MTUS2: variants seen among roughly 807,000 people sequenced by gnomAD.
The protein encoded by MTUS2 is microtubule-associated tumor suppressor candidate 2.
A neutral mutation model predicts 114.1 loss-of-function variants in MTUS2; 40 were observed. That is an observed-to-expected ratio of 0.35 (90% CI 0.27 to 0.46). The LOEUF (loss-of-function observed/expected upper bound fraction) is 0.46. Ranked by LOEUF, MTUS2 falls within the 20% of genes least tolerant of loss-of-function variation. The pLI, the probability that MTUS2 is intolerant of heterozygous loss-of-function variation, is 1.00. For missense variants in MTUS2, 1,679 were observed against 1,705.4 expected (o/e 0.98, Z 0.27); for synonymous variants, 688 against 672.0 (o/e 1.02, Z -0.37).
At chr13:29,366,618 T>C (rs1185360843) in intron 8 of MTUS2, among the ~76,000 whole-genome samples, 1 of 152,220 alleles carries the variant, frequency 6.6e-6, no homozygotes, top group Non-Finnish European at 1.5e-5. Context: ...ATACCTGGTA[T>C]GGGACCATCA....
chr13:29,008,424 A>T (rs1398856655), intron 2 of MTUS2, among the ~76,000 whole-genome samples: 2 of 152,080 alleles, frequency 1.3e-5, no homozygotes, highest in Non-Finnish European at 2.9e-5. Context: ...TTTCTGTTCC[A>T]ATCTGAACTG....
chr13:28,994,736 T>G (rs542688229), intron 2 of MTUS2, among the ~76,000 whole-genome samples: 5 of 152,188 alleles, frequency 3.3e-5, no homozygotes, highest in Admixed American at 6.5e-5. Flanking sequence ...TTGCCCACTT[T>G]TTGATGGGGT....
intron 5 of MTUS2, among the ~76,000 whole-genome samples, chr13:29,262,108 A>C (rs1897495332): frequency 6.6e-6 from 1 of 152,264 alleles, no homozygotes; most frequent in Non-Finnish European, 1.5e-5. Context: ...GGGCTGGCTG[A>C]TGCTGGCTTT....
At chr13:28,918,724 T>G (rs754517338) in intron 2 of MTUS2, among the ~76,000 whole-genome samples, 5 of 152,068 alleles carry the variant, frequency 3.3e-5, no homozygotes, top group Admixed American at 1.3e-4. Flanking sequence ...TGCTGTTTGG[T>G]TTTTGTTTTT....
chr13:29,012,836 T>C lies in MTUS2; in HGVS notation c.-242-11621T>C, dbSNP rs1885911444. 2.0e-5 allele frequency among the ~76,000 whole-genome samples: 3 copies of C among 147,660 alleles called. No homozygotes were observed. The South Asian group carries it at 6.4e-4, about 31-fold the overall frequency. On this transcript the variant is annotated intron_variant, in intron 2 of 15. Transcript: ENST00000612955. ...TTGCAGTGAGCCGAGATCGCACCAC[T>C]GCATTCCAGCCTGGGTGACAGAGCG...
At chr13:29,209,560 T>G (rs910118465) in intron 5 of MTUS2, among the ~76,000 whole-genome samples, 2 of 152,148 alleles carry the variant, frequency 1.3e-5, no homozygotes, top group Non-Finnish European at 2.9e-5. Context: ...GGTTCTATTT[T>G]TATATATTTT....
intron 5 of MTUS2, among the ~76,000 whole-genome samples, chr13:29,146,976 A>C (rs1291519610): frequency 2.6e-5 from 4 of 152,228 alleles, no homozygotes; most frequent in Admixed American, 2.0e-4. Flanking sequence ...GAAAGAAACA[A>C]TGAGATATCA....
intron 5 of MTUS2, among the ~76,000 whole-genome samples, chr13:29,130,031 T>G (rs1891690740): frequency 6.6e-6 from 1 of 152,122 alleles, no homozygotes; most frequent in South Asian, 2.1e-4. Flanking sequence ...CAGAGTGCTT[T>G]ATAGCCAAGA....
At chr13:29,241,264 A>G (rs887581812) in intron 5 of MTUS2, among the ~76,000 whole-genome samples, 3 of 150,648 alleles carry the variant, frequency 2.0e-5, no homozygotes, top group Admixed American at 6.6e-5. Flanking sequence ...TGTCTTTAAA[A>G]TTGACAGAAC....
chr13:28,880,650 A>G (rs2138137006), intron 2 of MTUS2, among the ~76,000 whole-genome samples: 1 of 152,384 alleles, frequency 6.6e-6, no homozygotes, highest in East Asian at 1.9e-4. Flanking sequence ...ATCACTAGTC[A>G]CACTACTCAG....
chr13:29,333,172 G>A (rs1451533381), intron 7 of MTUS2, among the ~76,000 whole-genome samples: 1 of 152,054 alleles, frequency 6.6e-6, no homozygotes, highest in African/African-American at 2.4e-5. Context: ...TTCTGTAGTT[G>A]TGCAGTTTTG....
chr13:28,834,076 A>G (rs1874896693), intron 1 of MTUS2, among the ~76,000 whole-genome samples: 1 of 152,138 alleles, frequency 6.6e-6, no homozygotes, highest in Non-Finnish European at 1.5e-5. Context: ...AAGACTTAAT[A>G]TTATTAAGGT....
At chr13:29,487,837 G>T in intron 10 of MTUS2, 63 bp from the exon 11 acceptor site, 1 of 1,308,228 alleles carries the variant, frequency 7.6e-7, no homozygotes, top group Non-Finnish European at 1.1e-6. Flanking sequence ...TTCCACTCAC[G>T]GAATTCCACT....
At chr13:28,948,727 T>G (rs1882660271) in intron 2 of MTUS2, among the ~76,000 whole-genome samples, 1 of 152,212 alleles carries the variant, frequency 6.6e-6, no homozygotes, top group Non-Finnish European at 1.5e-5. Flanking sequence ...TTCGCATTGC[T>G]TGTTTCACAG....
At chr13:28,840,609 G>A (rs1365133116) in intron 2 of MTUS2, among the ~76,000 whole-genome samples, 1 of 152,130 alleles carries the variant, frequency 6.6e-6, no homozygotes. Context: ...ACTTTTAAAC[G>A]AGTAGAGAGA....
At position 29,359,340 on chromosome 13, in the gene MTUS2, G is replaced by A. The variant is rs370407833; in HGVS notation, c.2984G>A (p.Arg995Gln). Reference protein sequence around the residue: ...KPDPQAREAERQLVLRLKERC... With the variant: ...KPDPQAREAEQQLVLRLKERC... The stretch of plus-strand genomic sequence containing the variant: ...GACCCGCAGGCCCGTGAGGCTGAGC[G>A]GCAGCTGGTGCTGCGGCTGAAGGAG... Residue 995 changes from arginine (R) to glutamine (Q), a missense_variant, in exon 8 of 16, where the codon CGG becomes CAG. Physicochemically the swap from Arg to Gln is conservative, Grantham distance 43. Transcript: ENST00000612955. 16 of 1,611,284 alleles carry A rather than the reference G, an allele frequency of 9.9e-6. No homozygotes were observed. Among genetic ancestry groups the A allele is most frequent in the Admixed American group, 3.4e-5 (2 of 59,642 alleles).
intron 4 of MTUS2, among the ~76,000 whole-genome samples, chr13:29,089,077 G>A (rs1422968683): frequency 6.6e-6 from 1 of 152,142 alleles, no homozygotes; most frequent in African/African-American, 2.4e-5. Flanking sequence ...GTATGTTTTT[G>A]CAATAGCAGG....
At chr13:29,230,145 C>T (rs925958143) in intron 5 of MTUS2, among the ~76,000 whole-genome samples, 4 of 152,120 alleles carry the variant, frequency 2.6e-5, no homozygotes, top group Non-Finnish European at 4.4e-5. Flanking sequence ...ACTCGGGAGG[C>T]TGAGGCAGGA....
At chr13:28,929,177 G>A (rs1319131273) in intron 2 of MTUS2, among the ~76,000 whole-genome samples, 2 of 151,902 alleles carry the variant, frequency 1.3e-5, no homozygotes, top group African/African-American at 4.8e-5. Flanking sequence ...TGGGGGAAGG[G>A]TGGGTTGAAG....
Sources: gnomAD v4.1 joint callset for allele counts (sites outside exome capture counted in the v4.1 genomes callset) on GRCh38, gnomAD v4.1.1 for gene constraint, MANE v1.5 for transcripts, NCBI Gene and HGNC (gene_info 2026-07-23, HGNC 2026-07-21) for gene names.